The following PVT1 variants were observed in gnomAD, a reference collection of about 807,000 sequenced individuals.
PVT1 encodes the protein Pvt1 oncogene, also known as CXCR4/PVT1 fusion.
chr8:127,942,919 A>G (rs1318516023), intron 3 of PVT1, among the ~76,000 whole-genome samples: 2 of 152,146 alleles, frequency 1.3e-5, no homozygotes, highest in African/African-American at 4.8e-5. Context: ...AACTGTGATT[A>G]TTATTCCTTA....
chr8:127,808,978 T>C (rs1814558839), intron 2 of PVT1, among the ~76,000 whole-genome samples: 1 of 126,450 alleles, frequency 7.9e-6, no homozygotes, highest in Non-Finnish European at 1.5e-5. Context: ...TGCAGTGAGC[T>C]GAGATTGAGC....
At chr8:128,028,246 C>T (rs1218233446) in intron 4 of PVT1, among the ~76,000 whole-genome samples, 1 of 152,278 alleles carries the variant, frequency 6.6e-6, no homozygotes, top group East Asian at 1.9e-4. Flanking sequence ...CTGCTTCCCG[C>T]CTTTCTGGCT....
At chr8:127,970,344 C>G (rs1816751939) in intron 3 of PVT1, among the ~76,000 whole-genome samples, 1 of 131,112 alleles carries the variant, frequency 7.6e-6, no homozygotes, top group African/African-American at 2.9e-5. Flanking sequence ...GTCACCCAGG[C>G]TGGAGTGCAG....
chr8:128,070,504 A>G (rs1586506933), intron 5 of PVT1: 2 of 152,218 alleles, frequency 1.3e-5, no homozygotes. Flanking sequence ...GTATTGGCAG[A>G]TGCATCAAAA....
chr8:127,891,834 C>A (rs1395935411), intron 3 of PVT1, among the ~76,000 whole-genome samples: 4 of 152,212 alleles, frequency 2.6e-5, no homozygotes, highest in Non-Finnish European at 2.9e-5. Context: ...AGTGACAAGT[C>A]AGTGGCAGAT....
chr8:128,087,535 C>G (rs1814273852), intron 5 of PVT1, among the ~76,000 whole-genome samples: 1 of 152,108 alleles, frequency 6.6e-6, no homozygotes, highest in South Asian at 2.1e-4. Flanking sequence ...GTTAATGAAT[C>G]AAAAACATGG....
chr8:128,051,174 T>G (rs890885786), intron 4 of PVT1, among the ~76,000 whole-genome samples: 17 of 152,094 alleles, frequency 1.1e-4, no homozygotes, highest in African/African-American at 4.1e-4. Context: ...CACACTGGAG[T>G]TGTAAGGATG....
chr8:127,855,007 G>A, intron 2 of PVT1: 1 of 393,966 alleles, frequency 2.5e-6, no homozygotes, highest in Non-Finnish European at 4.5e-6. Flanking sequence ...TGACTCAGAG[G>A]CACAGAGTTA....
At chr8:127,908,919 G>T (rs561239370) in intron 3 of PVT1, among the ~76,000 whole-genome samples, 1 of 152,280 alleles carries the variant, frequency 6.6e-6, no homozygotes, top group South Asian at 2.1e-4. Flanking sequence ...TCCAATTTCA[G>T]CTTTGAACCC....
At chr8:128,080,180 AT>A (rs200723407) in intron 5 of PVT1, among the ~76,000 whole-genome samples, 2,827 of 152,308 alleles carry the variant, frequency 0.019, 78 homozygotes, top group African/African-American at 0.064. Context: ...GCAATTATGC[AT>A]AAAGCTGCTA....
intron 6 of PVT1, among the ~76,000 whole-genome samples, chr8:128,098,137 A>T (rs745562160): frequency 2.0e-5 from 3 of 151,828 alleles, no homozygotes; most frequent in African/African-American, 7.3e-5. Flanking sequence ...CCGCCCCACC[A>T]TGTCCTTGGG....
At chr8:127,835,311 C>T (rs1438513642) in intron 2 of PVT1, among the ~76,000 whole-genome samples, 5 of 152,078 alleles carry the variant, frequency 3.3e-5, no homozygotes, top group African/African-American at 1.2e-4. Flanking sequence ...TTGGATGAAG[C>T]TGGAAACCAT....
chr8:127,952,927 G>T (rs1690215761), intron 3 of PVT1, among the ~76,000 whole-genome samples: 1 of 152,170 alleles, frequency 6.6e-6, no homozygotes, highest in South Asian at 2.1e-4. Context: ...ACCACGCCTG[G>T]CTAATTTTTT....
Position 128,081,154 on chromosome 8 carries a change from G to C in PVT1, n.1114+10793G>C, listed in dbSNP as rs115323744. The stretch of plus-strand genomic sequence containing the variant: ...GGAGTTGAGTAGTGTCAGTCCTCCA[G>C]CTTGTGTGTTCTTTTCCTGCAGTAT... On this transcript the variant is annotated intron_variant and non_coding_transcript_variant, in intron 5 of 10. Transcript: ENST00000651587. Among the ~76,000 whole-genome samples the C allele has an allele frequency of 5.1e-3, 776 of 152,262 alleles. 3 individuals carry two copies. Among genetic ancestry groups the C allele is most frequent in the African/African-American group, 0.018 (739 of 41,546 alleles).
At chr8:127,873,490 G>A (rs1815373856) in intron 2 of PVT1, among the ~76,000 whole-genome samples, 1 of 152,174 alleles carries the variant, frequency 6.6e-6, no homozygotes, top group South Asian at 2.1e-4. Context: ...CTAGTAGGTG[G>A]TATCAATAGT....
At chr8:127,971,714 G>A (rs998738810) in intron 3 of PVT1, among the ~76,000 whole-genome samples, 15 of 152,152 alleles carry the variant, frequency 9.9e-5, no homozygotes, top group African/African-American at 3.1e-4. Flanking sequence ...CCGTAAAATG[G>A]GGATAAGGAC....
At chr8:128,070,831 CT>C (rs1017515901) in intron 5 of PVT1, among the ~76,000 whole-genome samples, 18 of 152,104 alleles carry the variant, frequency 1.2e-4, no homozygotes, top group African/African-American at 4.1e-4. Flanking sequence ...CTGCCATGGA[CT>C]TTTTTTGAGC....
At chr8:128,039,683 G>A (rs752327349) in intron 4 of PVT1, among the ~76,000 whole-genome samples, 14 of 152,164 alleles carry the variant, frequency 9.2e-5, no homozygotes, top group East Asian at 5.8e-4. Context: ...TGGGACCATC[G>A]GAAACTTTTT....
At chr8:127,937,572 C>CAG (rs1415361085) in intron 3 of PVT1, among the ~76,000 whole-genome samples, 1 of 99,744 alleles carries the variant, frequency 1.0e-5, no homozygotes, top group Non-Finnish European at 2.3e-5. Context: ...CACACACACA[C>CAG]ACACACACAG....
Sources: gnomAD v4.1 joint callset for allele counts (sites outside exome capture counted in the v4.1 genomes callset) on GRCh38, gnomAD v4.1.1 for gene constraint, MANE v1.5 for transcripts, NCBI Gene and HGNC (gene_info 2026-07-23, HGNC 2026-07-21) for gene names.